The following ABCA13 variants were observed in gnomAD, a reference collection of about 807,000 sequenced individuals.
ABCA13 encodes ATP-binding cassette sub-family A member 13.
A neutral mutation model predicts 478.7 loss-of-function variants in ABCA13; 476 were observed. The ratio of observed to expected loss-of-function variants is 0.99; its 90% CI spans 0.92 to 1.07. ABCA13 has a LOEUF of 1.07. Among genes scored for constraint, ABCA13 ranks in the 50% least tolerant of loss-of-function variants. The pLI is 0.00. For missense variants in ABCA13, 6,060 were observed against 5,910.6 expected, an observed-to-expected ratio of 1.03 and a Z score of -0.83; for synonymous variants, 2,252 against 2,158.9, an observed-to-expected ratio of 1.04 and a Z score of -1.20.
chr7:48,232,083 C>T (rs1366782423), intron 7 of ABCA13, among the ~76,000 whole-genome samples: 1 of 144,242 alleles, frequency 6.9e-6, no homozygotes, highest in Admixed American at 7.1e-5. Flanking sequence ...CACCTTTCCA[C>T]CTGTTGCTTC....
At chr7:48,421,093 C>T (rs1335976252) in intron 41 of ABCA13, among the ~76,000 whole-genome samples, 1 of 152,204 alleles carries the variant, frequency 6.6e-6, no homozygotes, top group Non-Finnish European at 1.5e-5. Flanking sequence ...GCCTGCTACA[C>T]AAGGCTGATC....
In ABCA13 at chr7:48,352,381, C is replaced by T; in HGVS notation, c.10582C>T (p.Gln3528Ter). The T allele has an allele frequency of 6.2e-7, 1 of 1,613,606 alleles. No homozygotes were observed. The highest frequency in any genetic ancestry group is 8.5e-7 in the Non-Finnish European group (1 of 1,179,824). The change falls in exon 31 of 62, where the codon CAA becomes TAA. Residue 3528 changes from glutamine (Q) to a stop codon, truncating the protein, a stop_gained. Coordinates refer to ENST00000435803, the MANE Select transcript of ABCA13 (RefSeq NM_152701.5). LOFTEE classifies it high-confidence loss of function. ...ATATAACTACGTCTTTGCCCCACTGCAAGACATGATCGAAAGAGCCATCAT... is the reference window on the plus strand; with the variant it reads ...ATATAACTACGTCTTTGCCCCACTGTAAGACATGATCGAAAGAGCCATCAT... ...FKYNYVFAPL[Q>*]DMIERAIILV...
chr7:48,621,040 G>C (rs761627075), intron 59 of ABCA13, among the ~76,000 whole-genome samples: 2 of 152,104 alleles, frequency 1.3e-5, no homozygotes, highest in Non-Finnish European at 1.5e-5. Context: ...GCTTTCTCAT[G>C]CTTCTCTAAA....
intron 58 of ABCA13, among the ~76,000 whole-genome samples, chr7:48,601,144 C>A (rs116107344): frequency 1.3e-5 from 2 of 152,000 alleles, no homozygotes; most frequent in African/African-American, 4.8e-5. Context: ...TAATCTTTAA[C>A]TGATTTATTT....
At chr7:48,372,623 T>G (rs1044430226) in intron 33 of ABCA13, 126 bp downstream of exon 33, 16 of 791,582 alleles carry the variant, frequency 2.0e-5, no homozygotes, top group Middle Eastern at 3.8e-4. Context: ...GGCTTTCTGA[T>G]ATCTGCTTTT....
intron 20 of ABCA13, among the ~76,000 whole-genome samples, chr7:48,289,264 G>T (rs148681196): frequency 6.6e-6 from 1 of 151,214 alleles, no homozygotes; most frequent in African/African-American, 2.4e-5. Flanking sequence ...AATTTACATT[G>T]ATTTTTTTAG....
chr7:48,413,053 C>T (rs367798287), intron 41 of ABCA13, among the ~76,000 whole-genome samples: 9 of 151,912 alleles, frequency 5.9e-5, no homozygotes, highest in African/African-American at 9.7e-5. Context: ...CCTCATGATC[C>T]GCCCGCCTCA....
At chr7:48,387,568 C>G (rs997071278) in intron 35 of ABCA13, among the ~76,000 whole-genome samples, 1 of 152,122 alleles carries the variant, frequency 6.6e-6, no homozygotes, top group Non-Finnish European at 1.5e-5. Context: ...AACCCCTACT[C>G]TAAAGATAAA....
intron 3 of ABCA13, among the ~76,000 whole-genome samples, chr7:48,203,142 G>A (rs906777185): frequency 1.3e-5 from 2 of 152,236 alleles, no homozygotes; most frequent in Non-Finnish European, 2.9e-5. Flanking sequence ...ATCCTCCGCA[G>A]CCGCTGGCCC....
Position 48,350,776 on chromosome 7 carries a change from G to A in ABCA13, c.10338G>A (p.Glu3446=). The stretch of plus-strand genomic sequence containing the variant: ...CTCTGCAGTCTGTCGACATCCTGGA[G>A]ACTAAAGCACATGAACTCTTGCAGC... The part of the protein sequence containing the change: ...FQALQSVDIL[E]TKAHELLQQN... The change falls in exon 30 of 62, where the codon GAG becomes GAA. Residue 3446 remains glutamate (E), a synonymous_variant. Transcript: ENST00000435803. 6.2e-7 allele frequency: 1 copy of A among 1,613,886 alleles called. No individual in the cohort carries two copies. The highest frequency in any genetic ancestry group is 8.5e-7 in the Non-Finnish European group (1 of 1,179,848).
intron 29 of ABCA13, among the ~76,000 whole-genome samples, chr7:48,345,473 G>A (rs747791907): frequency 5.3e-5 from 8 of 151,982 alleles, no homozygotes; most frequent in Non-Finnish European, 1.0e-4. Flanking sequence ...TAATGACCCT[G>A]TGTAGGCCTA....
intron 59 of ABCA13, among the ~76,000 whole-genome samples, chr7:48,631,008 T>C (rs1310072568): frequency 6.6e-6 from 1 of 152,040 alleles, no homozygotes; most frequent in African/African-American, 2.4e-5. Context: ...ATGGGGTTAT[T>C]TGTTTTTTGC....
Position 48,274,340 on chromosome 7 carries a change from A to G in ABCA13, c.4674A>G (p.Val1558=). 6.2e-7 allele frequency: 1 copy of G among 1,613,424 alleles called. No homozygotes were observed. Among genetic ancestry groups the G allele is most frequent in the Non-Finnish European group, 8.5e-7 (1 of 1,179,710 alleles). The change falls in exon 17 of 62, where the codon GTA becomes GTG. Residue 1558 remains valine, a synonymous_variant. Coordinates refer to ENST00000435803, the MANE Select transcript of ABCA13 (RefSeq NM_152701.5). ...TGGGGAAGGAATTTCAGAAGCTTGT[A>G]AAAGGTATTTACTTTAACATCCTGG... ...ITLGKEFQKL[V]KGIYFNILEN... is the part of the protein sequence containing the mutation.
chr7:48,204,158 G>T (rs1250798214), intron 3 of ABCA13, among the ~76,000 whole-genome samples: 1 of 145,756 alleles, frequency 6.9e-6, no homozygotes, highest in African/African-American at 2.6e-5. Context: ...TGTTGCCCAC[G>T]CTGGAGTGAT....
intron 15 of ABCA13, among the ~76,000 whole-genome samples, chr7:48,249,768 C>G (rs1792253643): frequency 6.6e-6 from 1 of 152,200 alleles, no homozygotes; most frequent in Non-Finnish European, 1.5e-5. Flanking sequence ...AAAACACAAA[C>G]TGTTTTTCTC....
intron 42 of ABCA13, among the ~76,000 whole-genome samples, chr7:48,429,291 T>G (rs1048255968): frequency 6.6e-6 from 1 of 152,234 alleles, no homozygotes; most frequent in Non-Finnish European, 1.5e-5. Context: ...CTCTTACATG[T>G]ATACCTAGGA....
At chr7:48,489,740 C>T (rs938230483) in intron 48 of ABCA13, among the ~76,000 whole-genome samples, 2 of 152,154 alleles carry the variant, frequency 1.3e-5, no homozygotes, top group African/African-American at 4.8e-5. Flanking sequence ...AGATGAACAT[C>T]ACATTTTGAT....
intron 27 of ABCA13, 37 bp from the exon 28 acceptor site, chr7:48,335,385 G>A: frequency 6.9e-7 from 1 of 1,450,880 alleles, no homozygotes; most frequent in Non-Finnish European, 9.6e-7. Flanking sequence ...TATAACAGCT[G>A]AATAAGAGAC....
chr7:48,331,611 G>GA (rs1805414455), intron 27 of ABCA13, among the ~76,000 whole-genome samples: 1 of 152,152 alleles, frequency 6.6e-6, no homozygotes, highest in Non-Finnish European at 1.5e-5. Context: ...GCATTTGTAA[G>GA]AAAAAACATG....
Sources: gnomAD v4.1 joint callset for allele counts (sites outside exome capture counted in the v4.1 genomes callset) on GRCh38, gnomAD v4.1.1 for gene constraint, MANE v1.5 for transcripts, NCBI Gene and HGNC (gene_info 2026-07-23, HGNC 2026-07-21) for gene names.